CKAP5: variants seen among roughly 807,000 people sequenced by gnomAD.
CKAP5 encodes the protein cytoskeleton-associated protein 5.
CKAP5 carries 27 observed loss-of-function variants against 232.8 expected under a neutral mutation model. That is an observed-to-expected ratio of 0.12 (90% CI 0.09 to 0.16). The LOEUF (loss-of-function observed/expected upper bound fraction) is 0.16, where lower values mean the gene tolerates loss of function less well. CKAP5 is among the 10% of genes least tolerant of loss of function. The probability of loss-of-function intolerance (pLI) is 1.00; values close to 1 mark genes in which losing one functional copy is unlikely to be tolerated. For synonymous variants in CKAP5, 785 were observed against 841.1 expected (o/e 0.93, Z 1.16); for missense variants, 1,838 against 2,424.7 (o/e 0.76, Z 5.08).
intron 1 of CKAP5, among the ~76,000 whole-genome samples, chr11:46,828,261 C>T (rs1327548799): frequency 1.0e-5 from 1 of 97,740 alleles, no homozygotes; most frequent in Non-Finnish European, 2.0e-5. Context: ...TGGGTGGGGG[C>T]GGGGTAGATA....
chr11:46,751,328 G>C lies in CKAP5; in HGVS notation c.5322+18C>G, dbSNP rs1251908754. ...TTCTCTCAAGCTCCCTCAGAGACCA[G>C]TTGCGATTCTTACTCACCTTGGGCC... On this transcript the variant is annotated intron_variant, in intron 39 of 43. Transcript: ENST00000529230. 6.2e-7 allele frequency: 1 copy of C among 1,613,942 alleles called. No individual in the cohort carries two copies. The highest frequency in any genetic ancestry group is 8.5e-7 in the Non-Finnish European group (1 of 1,179,844).
intron 1 of CKAP5, among the ~76,000 whole-genome samples, chr11:46,830,012 A>AT (rs1482389525): frequency 6.6e-6 from 1 of 152,122 alleles, no homozygotes; most frequent in African/African-American, 2.4e-5. Context: ...ATGTGATTAA[A>AT]TTAAGGATCT....
At chr11:46,780,159 C>G (rs767818495) in intron 20 of CKAP5, 35 bp downstream of exon 20, 1 of 1,611,594 alleles carries the variant, frequency 6.2e-7, no homozygotes, top group South Asian at 1.1e-5. Flanking sequence ...ATTCTCAAGT[C>G]CACTAACAGA....
At chr11:46,750,127 G>A in intron 42 of CKAP5, 147 bp downstream of exon 42, 1 of 696,764 alleles carries the variant, frequency 1.4e-6, no homozygotes, top group South Asian at 2.0e-5. Flanking sequence ...GCTAAGAATT[G>A]ACCACTGGAT....
At chr11:46,826,914 G>C (rs532772629) in intron 1 of CKAP5, 1 of 153,302 alleles carries the variant, frequency 6.5e-6, no homozygotes, top group Non-Finnish European at 1.5e-5. Flanking sequence ...GCCACTGTCA[G>C]AGTGCCCGCC....
chr11:46,823,132 G>A (rs893221158), intron 1 of CKAP5, among the ~76,000 whole-genome samples: 4 of 151,850 alleles, frequency 2.6e-5, no homozygotes, highest in Admixed American at 6.6e-5. Flanking sequence ...CACCATGCTC[G>A]GCTAATTTTG....
At chr11:46,759,076 T>A (rs1378540820) in intron 34 of CKAP5, 33 bp from the exon 35 acceptor site, 1 of 1,609,206 alleles carries the variant, frequency 6.2e-7, no homozygotes, top group Admixed American at 1.7e-5. Flanking sequence ...AACTTCAACC[T>A]CTATTACAAG....
rs768979086 is a variant in CKAP5, at chr11:46,776,204, T to A, written c.2991+51A>T. ...TATTTATCAGACAGGCCCAAGCCCCTATGGAAGTAAATGACATGAGTAATG... is the reference window on the plus strand; with the variant it reads ...TATTTATCAGACAGGCCCAAGCCCCAATGGAAGTAAATGACATGAGTAATG... On this transcript the variant is annotated intron_variant, in intron 24 of 43. Coordinates refer to ENST00000529230, the MANE Select transcript of CKAP5 (RefSeq NM_001008938.4). 36 of 1,557,892 alleles carry A rather than the reference T, an allele frequency of 2.3e-5. No homozygotes were observed. The African/African-American group carries it at 3.7e-4, about 16-fold the overall frequency.
intron 35 of CKAP5, among the ~76,000 whole-genome samples, chr11:46,758,376 C>A (rs1038352817): frequency 6.6e-6 from 1 of 152,132 alleles, no homozygotes; most frequent in Admixed American, 6.6e-5. Context: ...TCCGTCATTA[C>A]CCCATTTAAG....
intron 1 of CKAP5, among the ~76,000 whole-genome samples, chr11:46,839,924 A>G (rs1940011264): frequency 6.6e-6 from 1 of 152,138 alleles, no homozygotes. Flanking sequence ...AGATTGCTTA[A>G]GCCCAGGAGT....
chr11:46,762,850 G>A (rs1316101355), intron 30 of CKAP5, 88 bp from the exon 31 acceptor site: 1 of 1,476,556 alleles, frequency 6.8e-7, no homozygotes, highest in African/African-American at 1.4e-5. Context: ...GAAAGAATAG[G>A]GAAATAGGGA....
chr11:46,775,884 G>A (rs565874753), intron 24 of CKAP5, among the ~76,000 whole-genome samples: 2 of 152,178 alleles, frequency 1.3e-5, no homozygotes, highest in South Asian at 2.1e-4. Flanking sequence ...ATGACGGGTT[G>A]ATGGATGCAG....
chr11:46,788,618 C>G (rs1372894526), intron 16 of CKAP5, 63 bp downstream of exon 16: 2 of 966,956 alleles, frequency 2.1e-6, no homozygotes, highest in Non-Finnish European at 3.3e-6. Context: ...CTGTATTACT[C>G]CATAGGATGA....
intron 13 of CKAP5, among the ~76,000 whole-genome samples, chr11:46,792,748 G>A (rs559119100): frequency 1.2e-4 from 18 of 152,252 alleles, no homozygotes; most frequent in Non-Finnish European, 1.8e-4. Flanking sequence ...ATAAGAGAAG[G>A]TCAGCCAGCA....
intron 8 of CKAP5, among the ~76,000 whole-genome samples, chr11:46,807,660 A>G (rs756609178): frequency 1.4e-4 from 21 of 152,364 alleles, no homozygotes; most frequent in South Asian, 8.3e-4. Context: ...GATACAAAGT[A>G]GTGTGTTATC....
At chr11:46,833,858 ATATTAT>A (rs977361778) in intron 1 of CKAP5, among the ~76,000 whole-genome samples, 2 of 151,190 alleles carry the variant, frequency 1.3e-5, no homozygotes, top group South Asian at 2.1e-4. Context: ...TATTATTATT[ATATTAT>A]TATTATTATC....
Position 46,743,931 on chromosome 11 carries a change from G to T in CKAP5, c.*92C>A. On this transcript the variant is annotated 3_prime_UTR_variant, in exon 44 of 44. Coordinates refer to ENST00000529230, the MANE Select transcript of CKAP5 (RefSeq NM_001008938.4). ...ACGGCATGATACATACAACCAGTTT[G>T]TATACACTAGGCCTGCTGAGGCCAT... 1.3e-6 allele frequency: 2 copies of T among 1,517,166 alleles called. No individual in the cohort carries two copies. 94.0% of individuals were successfully genotyped at this position (1,517,166 alleles called of 1,614,324 possible). A position where few individuals can be genotyped will look rare whatever the true frequency, so the allele number is the denominator to read the frequency against.
chr11:46,828,787 A>T (rs1397113950), intron 1 of CKAP5, among the ~76,000 whole-genome samples: 1 of 152,196 alleles, frequency 6.6e-6, no homozygotes, highest in African/African-American at 2.4e-5. Flanking sequence ...ACCCACTTTT[A>T]TGAGGTATGC....
Position 46,789,253 on chromosome 11 carries a change from T to G in CKAP5, c.1876-480A>C, listed in dbSNP as rs139545661. 6.0e-3 allele frequency among the ~76,000 whole-genome samples: 911 copies of G among 152,342 alleles called. 9 individuals are homozygous for G. The highest frequency in any genetic ancestry group is 0.021 in the African/African-American group (870 of 41,576). On this transcript the variant is annotated intron_variant, in intron 15 of 43. Coordinates refer to ENST00000529230, the MANE Select transcript of CKAP5 (RefSeq NM_001008938.4). ...AGGACTAGACGGCTTCTGCCATAAG[T>G]GACAGTGCTCTTGCAGTGTTTCTCC... is the stretch of plus-strand genomic sequence containing the variant.
Sources: allele counts gnomAD v4.1 joint callset (sites outside exome capture counted in the v4.1 genomes callset), GRCh38; gene constraint gnomAD v4.1.1; transcripts MANE v1.5; gene names NCBI Gene and HGNC (gene_info 2026-07-23, HGNC 2026-07-21).